The following SH3PXD2A variants were observed in gnomAD, a reference collection of about 807,000 sequenced individuals.
The protein encoded by SH3PXD2A is SH3 and PX domains 2A.
A neutral mutation model predicts 115.2 loss-of-function variants in SH3PXD2A; 32 were observed. The observed-to-expected ratio is 0.28, with a 90% CI of 0.21 to 0.37. SH3PXD2A has a LOEUF of 0.37. Ranked by LOEUF, SH3PXD2A falls within the 10% of genes least tolerant of loss-of-function variation. SH3PXD2A has a pLI of 1.00. For synonymous variants in SH3PXD2A, 610 were observed against 629.1 expected (o/e 0.97, Z 0.45); for missense variants, 1,328 against 1,498.7 (o/e 0.89, Z 1.88).
At chr10:103,649,146 G>A (rs1472022617) in intron 8 of SH3PXD2A, among the ~76,000 whole-genome samples, 1 of 152,154 alleles carries the variant, frequency 6.6e-6, no homozygotes, top group African/African-American at 2.4e-5. Flanking sequence ...GGGTAAGATG[G>A]AATCTTAGGA....
In SH3PXD2A at chr10:103,666,805, T is replaced by C. The variant is rs1006804931; in HGVS notation, c.472+1803A>G. Among the ~76,000 whole-genome samples the C allele has an allele frequency of 3.9e-5, 6 of 152,232 alleles. No individual in the cohort carries two copies. Among genetic ancestry groups the C allele is most frequent in the Non-Finnish European group, 8.8e-5 (6 of 68,034 alleles). On this transcript the variant is annotated intron_variant, in intron 7 of 14. Transcript: ENST00000369774. The surrounding 1 kb of genome is among the most constrained non-coding windows in gnomAD (Gnocchi z 4.5). The stretch of plus-strand genomic sequence containing the variant: ...AAGCAAGTGGAGGGAATGGGAGATC[T>C]GAGGAGCAGCAAAGCTGTTGGTTCC...
At chr10:103,660,599 G>A (rs1235494920) in intron 8 of SH3PXD2A, among the ~76,000 whole-genome samples, 2 of 152,180 alleles carry the variant, frequency 1.3e-5, no homozygotes, top group Non-Finnish European at 2.9e-5. Flanking sequence ...AGCTGGCTGG[G>A]CTGTCCTGCC....
chr10:103,853,546 C>T (rs951770726), intron 1 of SH3PXD2A, among the ~76,000 whole-genome samples: 4 of 152,304 alleles, frequency 2.6e-5, no homozygotes, highest in Admixed American at 2.6e-4. Flanking sequence ...TTGAGCAAGA[C>T]CGTCTAACTT....
Position 103,601,580 on chromosome 10 carries a change from G to A in SH3PXD2A, c.*236C>T. On this transcript the variant is annotated 3_prime_UTR_variant, in exon 15 of 15. Transcript: ENST00000369774. ...TTTCTTGGCTCTGGGTCCCAGGCCT[G>A]GGACTCCCTGGTCCATTCCCTTCCT... The A allele has an allele frequency of 2.2e-6, 1 of 448,738 alleles. No homozygotes were observed. The highest frequency in any genetic ancestry group is 4.0e-6 in the Non-Finnish European group (1 of 251,572). 27.8% of individuals were successfully genotyped at this position (448,738 alleles called of 1,614,324 possible).
rs1347811091 is a variant in SH3PXD2A, at chr10:103,735,732, C to A, written c.306G>T (p.Arg102=). ...CCCCCAGCCCCAGATACACTCTCAC[C>A]CGGCAGTATTCATCGATGGGCTTCA... ...KRLKPIDEYC[R]ALVRLPPHIS... Residue 102 remains arginine, a splice_region_variant and synonymous_variant, in exon 4 of 15, where the codon CGG becomes CGT. Transcript: ENST00000369774. The A allele has an allele frequency of 6.2e-7, 1 of 1,611,152 alleles. No individual in the cohort carries two copies. The highest frequency in any genetic ancestry group is 8.5e-7 in the Non-Finnish European group (1 of 1,177,700).
chr10:103,784,298 G>A lies in SH3PXD2A; in HGVS notation c.153+16984C>T, dbSNP rs997212708. Reference sequence around the variant, plus strand: ...CCAAGCCTCTGTGCATGCCCAAGGCGGTCCTGTCCCACACCTTGCCCACGT... The same window carrying A: ...CCAAGCCTCTGTGCATGCCCAAGGCAGTCCTGTCCCACACCTTGCCCACGT... On this transcript the variant is annotated intron_variant, in intron 2 of 14. Coordinates refer to ENST00000369774, the MANE Select transcript of SH3PXD2A (RefSeq NM_001394015.1). The surrounding 1 kb of genome is among the most constrained non-coding windows in gnomAD (Gnocchi z 4.4). Among the ~76,000 whole-genome samples the A allele has an allele frequency of 2.0e-5, 3 of 152,196 alleles. No homozygotes were observed. Among genetic ancestry groups the A allele is most frequent in the Non-Finnish European group, 4.4e-5 (3 of 68,038 alleles).
At chr10:103,846,365 GA>G (rs1039674349) in intron 1 of SH3PXD2A, among the ~76,000 whole-genome samples, 3 of 152,254 alleles carry the variant, frequency 2.0e-5, no homozygotes, top group Non-Finnish European at 4.4e-5. Context: ...GATTGGTTTG[GA>G]AAGAAGGAAA....
At chr10:103,691,484 C>G (rs1226476229) in intron 6 of SH3PXD2A, among the ~76,000 whole-genome samples, 1 of 152,088 alleles carries the variant, frequency 6.6e-6, no homozygotes, top group Non-Finnish European at 1.5e-5. Context: ...TGACAGAACA[C>G]AACCCCCATT....
At chr10:103,641,090 G>A (rs934430400) in intron 8 of SH3PXD2A, among the ~76,000 whole-genome samples, 8 of 152,150 alleles carry the variant, frequency 5.3e-5, no homozygotes, top group African/African-American at 1.9e-4. Flanking sequence ...AGGATTAGGA[G>A]CCAAAAAAGA....
chr10:103,647,647 G>A (rs891952921), intron 8 of SH3PXD2A, among the ~76,000 whole-genome samples: 6 of 152,198 alleles, frequency 3.9e-5, no homozygotes, highest in South Asian at 2.1e-4. Context: ...GGGAGCCAGC[G>A]AGACAGGAAC....
At chr10:103,781,368 C>T (rs373712379) in intron 2 of SH3PXD2A, among the ~76,000 whole-genome samples, 3 of 152,194 alleles carry the variant, frequency 2.0e-5, no homozygotes, top group Admixed American at 1.3e-4. Flanking sequence ...CTTCCTTTGC[C>T]TGCTGGCTAG....
intron 1 of SH3PXD2A, among the ~76,000 whole-genome samples, chr10:103,839,478 G>A (rs1251890887): frequency 2.0e-5 from 3 of 152,050 alleles, no homozygotes; most frequent in Non-Finnish European, 4.4e-5. Context: ...TAATTAACCC[G>A]TGCCATCCTC....
At chr10:103,844,162 T>G (rs79802331) in intron 1 of SH3PXD2A, among the ~76,000 whole-genome samples, 15,404 of 152,256 alleles carry the variant, frequency 0.1, 788 homozygotes, top group East Asian at 0.17. Flanking sequence ...CCACTGAGGC[T>G]CTGACCAGCA....
rs11598376 is a variant in SH3PXD2A at position 103,791,468 on chromosome 10, C to T, written c.153+9814G>A. ...ACGGTGCATATCTGACAACTCCCAG[C>T]GGCTTCAGTGTCACACAAGTTCCCC... is the stretch of plus-strand genomic sequence containing the variant. On this transcript the variant is annotated intron_variant, in intron 2 of 14. Coordinates refer to ENST00000369774, the MANE Select transcript of SH3PXD2A (RefSeq NM_001394015.1). Among the ~76,000 whole-genome samples the T allele has an allele frequency of 1.9e-3, 293 of 152,310 alleles. 1 individual carries two copies. The highest frequency in any genetic ancestry group is 3.1e-3 in the Non-Finnish European group (208 of 68,026).
intron 5 of SH3PXD2A, among the ~76,000 whole-genome samples, chr10:103,709,628 A>G (rs2038024071): frequency 6.6e-6 from 1 of 152,226 alleles, no homozygotes; most frequent in African/African-American, 2.4e-5. Flanking sequence ...GCTGGGCAGC[A>G]TGCTAAGCCC....
intron 1 of SH3PXD2A, among the ~76,000 whole-genome samples, chr10:103,843,278 T>G (rs577412195): frequency 6.6e-6 from 1 of 152,340 alleles, no homozygotes; most frequent in Admixed American, 6.5e-5. Flanking sequence ...GCTCTGCCCC[T>G]ATCCTCTTGC....
intron 7 of SH3PXD2A, among the ~76,000 whole-genome samples, chr10:103,663,728 C>T (rs539117063): frequency 3.3e-4 from 50 of 152,346 alleles, no homozygotes; most frequent in Non-Finnish European, 6.0e-4. Flanking sequence ...CTAGGGCAGA[C>T]GGCAATGGCC....
At chr10:103,648,137 G>A (rs1347502600) in intron 8 of SH3PXD2A, among the ~76,000 whole-genome samples, 1 of 152,152 alleles carries the variant, frequency 6.6e-6, no homozygotes, top group Non-Finnish European at 1.5e-5. Flanking sequence ...CAGGTGAGGC[G>A]ATGAGAAGGG....
intron 2 of SH3PXD2A, among the ~76,000 whole-genome samples, chr10:103,799,978 A>T (rs975146637): frequency 6.6e-6 from 1 of 152,182 alleles, no homozygotes; most frequent in African/African-American, 2.4e-5. Flanking sequence ...GGCAATGAGG[A>T]CAATGAGATA....
Sources: gnomAD v4.1 joint callset for allele counts (sites outside exome capture counted in the v4.1 genomes callset) on GRCh38, gnomAD v4.1.1 for gene constraint, Gnocchi (gnomAD v3.1) non-coding constraint, MANE v1.5 for transcripts, NCBI Gene and HGNC (gene_info 2026-07-23, HGNC 2026-07-21) for gene names.